FREM3: variants seen among roughly 807,000 people sequenced by gnomAD.
FREM3 encodes the protein FRAS1-related extracellular matrix protein 3.
In FREM3, 105 loss-of-function variants were observed where a neutral mutation model predicts 129.1. The observed-to-expected ratio is 0.81, with a 90% CI of 0.69 to 0.96. FREM3 has a LOEUF of 0.96. Ranked by LOEUF, FREM3 falls within the 40% of genes least tolerant of loss-of-function variation. The pLI, the probability that FREM3 is intolerant of heterozygous loss-of-function variation, is 0.00. For synonymous variants in FREM3, 1,014 were observed against 1,044.9 expected (o/e 0.97, Z 0.57); for missense variants, 2,593 against 2,666.3 (o/e 0.97, Z 0.61).
chr4:143,674,902 GA>G (rs1251056624), intron 2 of FREM3, among the ~76,000 whole-genome samples: 1 of 152,162 alleles, frequency 6.6e-6, no homozygotes, highest in Non-Finnish European at 1.5e-5. Flanking sequence ...CAAGTCCTGA[GA>G]GACATACAAA....
intron 2 of FREM3, among the ~76,000 whole-genome samples, chr4:143,664,370 G>C (rs1739808666): frequency 7.9e-5 from 12 of 152,138 alleles, no homozygotes; most frequent in Admixed American, 7.9e-4. Flanking sequence ...TGTTTGCCTA[G>C]GTAGCAGCAG....
intron 4 of FREM3, among the ~76,000 whole-genome samples, chr4:143,623,447 TG>T (rs1179056238): frequency 6.7e-6 from 1 of 149,618 alleles, no homozygotes; most frequent in Non-Finnish European, 1.5e-5. Flanking sequence ...TTTTAACTAC[TG>T]TGTATAATCA....
intron 6 of FREM3, among the ~76,000 whole-genome samples, chr4:143,602,914 G>C (rs1242150073): frequency 1.3e-5 from 2 of 152,190 alleles, no homozygotes; most frequent in East Asian, 3.8e-4. Flanking sequence ...TGGATGCTGA[G>C]TCTTCAGGAC....
intron 2 of FREM3, among the ~76,000 whole-genome samples, chr4:143,657,030 G>GA (rs57228018): frequency 0.12 from 17,589 of 152,052 alleles, 1,136 homozygotes; most frequent in African/African-American, 0.16. Context: ...AATGGCATGA[G>GA]AAAAAAATCC....
chr4:143,690,205 G>A (rs1332353307), intron 2 of FREM3, among the ~76,000 whole-genome samples: 1 of 152,020 alleles, frequency 6.6e-6, no homozygotes, highest in Admixed American at 6.6e-5. Context: ...TAATTCTAAG[G>A]AACACATGCC....
chr4:143,693,571 C>T (rs1740511200), intron 1 of FREM3, among the ~76,000 whole-genome samples: 1 of 152,164 alleles, frequency 6.6e-6, no homozygotes, highest in Non-Finnish European at 1.5e-5. Flanking sequence ...ACAGAACTAT[C>T]ATTCAACCCA....
At chr4:143,692,111 A>G (rs1342183879) in intron 2 of FREM3, among the ~76,000 whole-genome samples, 1 of 152,188 alleles carries the variant, frequency 6.6e-6, no homozygotes, top group East Asian at 1.9e-4. Context: ...TTTAAAAAGA[A>G]CAAGAATCAG....
chr4:143,641,963 T>A (rs947496602), intron 2 of FREM3, among the ~76,000 whole-genome samples: 2 of 151,992 alleles, frequency 1.3e-5, no homozygotes, highest in African/African-American at 2.4e-5. Context: ...AGAGGAAAAA[T>A]TTTAAAGATG....
intron 2 of FREM3, among the ~76,000 whole-genome samples, chr4:143,660,300 AT>A (rs1308642661): frequency 6.6e-6 from 1 of 152,028 alleles, no homozygotes; most frequent in Non-Finnish European, 1.5e-5. Context: ...CTTTCTACAT[AT>A]GGCTAGCCAG....
chr4:143,659,189 C>T (rs1317969807), intron 2 of FREM3, among the ~76,000 whole-genome samples: 1 of 151,552 alleles, frequency 6.6e-6, no homozygotes, highest in Non-Finnish European at 1.5e-5. Flanking sequence ...GTGTGCTGCA[C>T]CCATTAACTC....
In FREM3 at chr4:143,606,630, C is replaced by T. The variant is rs1497612; in HGVS notation, c.6028+4649G>A. Among the ~76,000 whole-genome samples, 693 of 152,144 alleles carry T rather than the reference C, an allele frequency of 4.6e-3. 8 individuals are homozygous for T. The highest frequency in any genetic ancestry group is 0.016 in the African/African-American group (654 of 41,488). On this transcript the variant is annotated intron_variant, in intron 6 of 7. Transcript: ENST00000329798. ...TATCACTGAAGGATGTAGTAGAGTACGAAAGAGTTACAGACTCAGAGGCAG... is the reference window on the plus strand; with the variant it reads ...TATCACTGAAGGATGTAGTAGAGTATGAAAGAGTTACAGACTCAGAGGCAG...
At position 143,700,473 on chromosome 4, in the gene FREM3, C is replaced by G; in HGVS notation, c.203G>C (p.Gly68Ala). The change falls in exon 1 of 8, where the codon GGA becomes GCA. Residue 68 changes from glycine to alanine, a missense_variant. Physicochemically the swap from Gly to Ala is moderately conservative, Grantham distance 60. Coordinates refer to ENST00000329798, the MANE Select transcript of FREM3 (RefSeq NM_001168235.2). ...DGPSVLIANP[G>A]LRVPLGRSLW... ...GGAACGACCCAGGGGCACCCGGAGT[C>G]CAGGGTTGGCAATCAGCACGCTGGG... 5 of 1,510,794 alleles carry G rather than the reference C, an allele frequency of 3.3e-6. No individual in the cohort carries two copies. The highest frequency in any genetic ancestry group is 4.4e-6 in the Non-Finnish European group (5 of 1,132,198). 93.6% of individuals were successfully genotyped at this position (1,510,794 alleles called of 1,614,324 possible).
At chr4:143,682,292 CT>C (rs1167432139) in intron 2 of FREM3, among the ~76,000 whole-genome samples, 2 of 152,148 alleles carry the variant, frequency 1.3e-5, no homozygotes, top group African/African-American at 4.8e-5. Context: ...TCCCTTTGAC[CT>C]TTTCTGCCCA....
chr4:143,582,918 G>T (rs1474832356), intron 7 of FREM3, among the ~76,000 whole-genome samples: 5 of 150,676 alleles, frequency 3.3e-5, no homozygotes, highest in African/African-American at 7.3e-5. Context: ...TTTGAGATGG[G>T]TTTGAACTCT....
chr4:143,631,816 T>C (rs1260860794), intron 2 of FREM3, among the ~76,000 whole-genome samples: 2 of 152,116 alleles, frequency 1.3e-5, no homozygotes, highest in Admixed American at 6.6e-5. Context: ...TACAAGGGCA[T>C]GGTACATTCT....
intron 6 of FREM3, among the ~76,000 whole-genome samples, chr4:143,605,997 A>G (rs1392961868): frequency 6.6e-6 from 1 of 152,088 alleles, no homozygotes; most frequent in Non-Finnish European, 1.5e-5. Flanking sequence ...TGCTCAGCCT[A>G]TGAGATGACT....
intron 2 of FREM3, among the ~76,000 whole-genome samples, chr4:143,662,492 A>G (rs1739753090): frequency 1.3e-5 from 2 of 150,342 alleles, no homozygotes; most frequent in Non-Finnish European, 1.5e-5. Flanking sequence ...TTTGCTGAGG[A>G]GAGCTTTACT....
intron 6 of FREM3, among the ~76,000 whole-genome samples, chr4:143,596,042 T>C (rs1465675687): frequency 6.6e-6 from 1 of 152,014 alleles, no homozygotes; most frequent in Non-Finnish European, 1.5e-5. Flanking sequence ...CAAAGACACA[T>C]AAGCATGAAA....
At chr4:143,595,806 T>G (rs1738468391) in intron 6 of FREM3, among the ~76,000 whole-genome samples, 1 of 146,580 alleles carries the variant, frequency 6.8e-6, no homozygotes, top group Admixed American at 7.1e-5. Context: ...AAGAATGGCG[T>G]GAACCTGGGA....
Sources: gnomAD v4.1 joint callset for allele counts (sites outside exome capture counted in the v4.1 genomes callset) on GRCh38, gnomAD v4.1.1 for gene constraint, MANE v1.5 for transcripts, NCBI Gene and HGNC (gene_info 2026-07-23, HGNC 2026-07-21) for gene names.